The following S100A8 variants were observed in gnomAD, a reference collection of about 807,000 sequenced individuals.
S100A8 encodes the protein protein S100-A8.
A neutral mutation model predicts 4.2 loss-of-function variants in S100A8; 1 was observed. The observed-to-expected ratio is 0.24, with a 90% CI of 0.08 to 1.12. The LOEUF (loss-of-function observed/expected upper bound fraction) is 1.12. S100A8 is among the 50% of genes most tolerant of loss of function. S100A8 has a pLI of 0.53. For synonymous variants in S100A8, 41 were observed against 44.7 expected, an observed-to-expected ratio of 0.92 and a Z score of 0.33; for missense variants, 96 against 111.8, an observed-to-expected ratio of 0.86 and a Z score of 0.64.
the S100A8 span, among the ~76,000 whole-genome samples, chr1:153,396,268 C>A: frequency 7.0e-3 from 1,066 of 152,326 alleles, 7 homozygotes; most frequent in African/African-American, 0.024. Context: ...GCTGTTTCTT[C>A]CCCTCAGACA....
chr1:153,397,386 C>T, the S100A8 span, among the ~76,000 whole-genome samples: 1 of 152,188 alleles, frequency 6.6e-6, no homozygotes, highest in Non-Finnish European at 1.5e-5. Flanking sequence ...ACATAGAGCG[C>T]AGAACAAGGG....
the S100A8 span, among the ~76,000 whole-genome samples, chr1:153,410,036 T>TA: frequency 6.6e-6 from 1 of 152,154 alleles, no homozygotes; most frequent in Non-Finnish European, 1.5e-5. Context: ...AGGAAAGATC[T>TA]AAAATTGACA....
At chr1:153,406,729 C>T in the S100A8 span, among the ~76,000 whole-genome samples, 1 of 152,256 alleles carries the variant, frequency 6.6e-6, no homozygotes, top group East Asian at 1.9e-4. Flanking sequence ...TATCAACCAG[C>T]CAAATTCCTG....
chr1:153,419,107 A>G, the S100A8 span: 6 of 1,605,676 alleles, frequency 3.7e-6, no homozygotes, highest in Non-Finnish European at 5.1e-6. Flanking sequence ...CTTGTTTGTG[A>G]TTGAATTTTT....
At chr1:153,390,331 C>T in intron 2 of S100A8, 64 bp downstream of exon 2, 1 of 1,603,906 alleles carries the variant, frequency 6.2e-7, no homozygotes, top group South Asian at 1.1e-5. Context: ...GCAGGGAGGA[C>T]CGCTGGCCCA....
the S100A8 span, among the ~76,000 whole-genome samples, chr1:153,402,560 C>G: frequency 4.6e-5 from 7 of 152,166 alleles, no homozygotes; most frequent in Non-Finnish European, 1.0e-4. Context: ...GTCTGAGGGG[C>G]AGGCAGAGGA....
the S100A8 span, among the ~76,000 whole-genome samples, chr1:153,401,474 C>T: frequency 2.0e-5 from 3 of 152,184 alleles, no homozygotes; most frequent in African/African-American, 4.8e-5. Context: ...GCCAAGCATG[C>T]ATCTCCCATG....
chr1:153,390,235 A>C lies in S100A8; in HGVS notation c.150T>G (p.Gly50=). 6.2e-7 allele frequency: 1 copy of C among 1,610,332 alleles called. No individual in the cohort carries two copies. The highest frequency in any genetic ancestry group is 8.5e-7 in the Non-Finnish European group (1 of 1,177,776). ...TECPQYIRKK[G]ADVWFKELDI... ...CCAACTCTTTGAACCAGACGTCTGCACCCTTTTTCTGTCAAGATTGAGGAG... is the reference window on the plus strand; with the variant it reads ...CCAACTCTTTGAACCAGACGTCTGCCCCCTTTTTCTGTCAAGATTGAGGAG... Residue 50 remains glycine (G), a synonymous_variant, in exon 3 of 3, where the codon GGT becomes GGG. Coordinates refer to ENST00000368733, the MANE Select transcript of S100A8 (RefSeq NM_002964.5).
the S100A8 span, among the ~76,000 whole-genome samples, chr1:153,412,294 A>C: frequency 2.0e-5 from 3 of 152,140 alleles, no homozygotes; most frequent in African/African-American, 7.2e-5. Context: ...CAAGAAAAAA[A>C]CAAACAACCC....
chr1:153,392,231 G>A (rs1183669762), upstream of S100A8, among the ~76,000 whole-genome samples: 4 of 152,118 alleles, frequency 2.6e-5, no homozygotes, highest in Non-Finnish European at 5.9e-5. Flanking sequence ...TGGTCAATAA[G>A]CATATGAAAA....
At chr1:153,413,908 A>T in the S100A8 span, among the ~76,000 whole-genome samples, 1 of 152,346 alleles carries the variant, frequency 6.6e-6, no homozygotes, top group Non-Finnish European at 1.5e-5. Flanking sequence ...TCTCATAAAA[A>T]AGAAAAAACA....
At chr1:153,392,018 C>T (rs531093410), upstream of S100A8, among the ~76,000 whole-genome samples, 1 of 152,302 alleles carries the variant, frequency 6.6e-6, no homozygotes, top group African/African-American at 2.4e-5. Context: ...CAAAATGCTA[C>T]TCAGATTAAC....
At chr1:153,414,087 T>G in the S100A8 span, among the ~76,000 whole-genome samples, 1 of 152,138 alleles carries the variant, frequency 6.6e-6, no homozygotes, top group South Asian at 2.1e-4. Context: ...TCCTTTTTTT[T>G]ATAAACAGTG....
chr1:153,408,826 C>T, the S100A8 span, among the ~76,000 whole-genome samples: 8 of 152,188 alleles, frequency 5.3e-5, no homozygotes, highest in Non-Finnish European at 1.0e-4. Flanking sequence ...CAATATTCAA[C>T]ATTCTTAAAG....
the S100A8 span, among the ~76,000 whole-genome samples, chr1:153,411,920 G>A: frequency 1.3e-5 from 2 of 152,170 alleles, no homozygotes; most frequent in Admixed American, 1.3e-4. Flanking sequence ...GGGAAAACTG[G>A]CTAACCCATA....
At chr1:153,398,166 C>T in the S100A8 span, among the ~76,000 whole-genome samples, 4 of 152,222 alleles carry the variant, frequency 2.6e-5, no homozygotes, top group East Asian at 5.8e-4. Context: ...GTCCAGACAC[C>T]CCAGGGCATG....
the S100A8 span, among the ~76,000 whole-genome samples, chr1:153,407,906 C>A: frequency 5.9e-5 from 9 of 152,168 alleles, no homozygotes; most frequent in Non-Finnish European, 1.2e-4. Flanking sequence ...AGCTGAGGGT[C>A]CTGACTGTTA....
chr1:153,399,639 G>T, the S100A8 span, among the ~76,000 whole-genome samples: 13 of 152,164 alleles, frequency 8.5e-5, no homozygotes, highest in African/African-American at 2.4e-4. Context: ...AGCTCACAGG[G>T]TGGGGACATG....
the S100A8 span, among the ~76,000 whole-genome samples, chr1:153,403,254 T>C: frequency 2.0e-5 from 3 of 152,228 alleles, no homozygotes; most frequent in Non-Finnish European, 2.9e-5. Flanking sequence ...TCTGAGTTAA[T>C]TTGTGTGTAT....
Sources: allele counts gnomAD v4.1 joint callset (sites outside exome capture counted in the v4.1 genomes callset), GRCh38; gene constraint gnomAD v4.1.1; transcripts MANE v1.5; gene names NCBI Gene and HGNC (gene_info 2026-07-23, HGNC 2026-07-21).